The following ZNF678 variants were observed in gnomAD, a reference collection of about 807,000 sequenced individuals.
The protein encoded by ZNF678 is hypothetical protein MGC42493.
In ZNF678, 5 loss-of-function variants were observed where a neutral mutation model predicts 3.0. The observed-to-expected ratio is 1.69, with a 90% confidence interval of 0.88 to 3.56. ZNF678 has a LOEUF of 3.56. Ranked by LOEUF, ZNF678 falls within the 30% of genes most tolerant of loss-of-function variation. The pLI, the probability that ZNF678 is intolerant of heterozygous loss-of-function variation, is 0.00. For missense variants in ZNF678, 593 were observed against 605.0 expected (o/e 0.98, Z 0.21); for synonymous variants, 218 against 199.6 (o/e 1.09, Z -0.78).
intron 1 of ZNF678, among the ~76,000 whole-genome samples, chr1:227,613,474 C>T (rs1438477788): frequency 6.6e-6 from 1 of 152,198 alleles, no homozygotes; most frequent in African/African-American, 2.4e-5. Flanking sequence ...GTGCCACCAG[C>T]CACTGTGCAT....
intron 1 of ZNF678, among the ~76,000 whole-genome samples, chr1:227,571,660 A>G (rs1226897830): frequency 6.6e-6 from 1 of 152,052 alleles, no homozygotes; most frequent in South Asian, 2.1e-4. Flanking sequence ...ACACCGAATA[A>G]TAGTTTGTAG....
At chr1:227,675,424 A>G (rs1300836557) in intron 5 of ZNF678, among the ~76,000 whole-genome samples, 2 of 152,230 alleles carry the variant, frequency 1.3e-5, no homozygotes, top group African/African-American at 2.4e-5. Flanking sequence ...TGACTAAGAT[A>G]AAAATCTAAA....
chr1:227,584,207 CA>C (rs1456148134), intron 1 of ZNF678, among the ~76,000 whole-genome samples: 1 of 152,160 alleles, frequency 6.6e-6, no homozygotes, highest in Non-Finnish European at 1.5e-5. Flanking sequence ...TCATTTGTCA[CA>C]AGGCCTAAAG....
intron 1 of ZNF678, among the ~76,000 whole-genome samples, chr1:227,611,785 A>T (rs977418908): frequency 1.3e-5 from 2 of 152,136 alleles, no homozygotes; most frequent in African/African-American, 4.8e-5. Context: ...GTTGCAGTTT[A>T]TCTAGTTCTG....
intron 1 of ZNF678, among the ~76,000 whole-genome samples, chr1:227,588,901 T>A (rs200627624): frequency 5.2e-5 from 1 of 19,210 alleles, no homozygotes; most frequent in Admixed American, 6.8e-4. Flanking sequence ...GATGTTAAGC[T>A]TTTTTTTTTT....
chr1:227,627,870 C>T lies in ZNF678; in HGVS notation c.-163-18674C>T, dbSNP rs10916176. 9.9e-5 allele frequency among the ~76,000 whole-genome samples: 15 copies of T among 152,088 alleles called. No individual in the cohort carries two copies. The East Asian group carries it at 1.9e-3, about 20-fold the overall frequency. ...CAGTATACAAGTTGAGCTCAGGATC[C>T]GTCAAGGGAACCTCTAGAAGGTCCC... On this transcript the variant is annotated intron_variant, in intron 1 of 3. Transcript: ENST00000343776.
chr1:227,625,276 G>C (rs1421494442), intron 1 of ZNF678, among the ~76,000 whole-genome samples: 1 of 152,124 alleles, frequency 6.6e-6, no homozygotes. Flanking sequence ...CTGTCTCTCA[G>C]TACCCCCTCT....
chr1:227,580,862 G>A lies in ZNF678; in HGVS notation c.-164+17138G>A, dbSNP rs1418833489. Among the ~76,000 whole-genome samples, 9 of 151,946 alleles carry A rather than the reference G, an allele frequency of 5.9e-5. No individual in the cohort carries two copies. In the East Asian group the frequency reaches 1.4e-3, roughly 23 times the overall value. ...GGAGAATTGCTTGAACTTGGGAAGC[G>A]GAGGTTGCAGTGAGCTGAGATCCCG... is the stretch of plus-strand genomic sequence containing the variant. On this transcript the variant is annotated intron_variant, in intron 1 of 3. Transcript: ENST00000343776.
downstream of ZNF678, chr1:227,662,491 G>A (rs1036652554): frequency 6.6e-6 from 1 of 152,176 alleles, no homozygotes; most frequent in Non-Finnish European, 1.5e-5. Context: ...ATTAAGGGGA[G>A]TCTTAAGAAA....
intron 1 of ZNF678, among the ~76,000 whole-genome samples, chr1:227,609,128 G>A (rs1571883778): frequency 6.6e-6 from 1 of 151,946 alleles, no homozygotes; most frequent in African/African-American, 2.4e-5. Flanking sequence ...AAAGATCAAG[G>A]AGCAACAAAC....
chr1:227,608,996 A>G (rs1319370209), intron 1 of ZNF678, among the ~76,000 whole-genome samples: 1 of 152,222 alleles, frequency 6.6e-6, no homozygotes, highest in Non-Finnish European at 1.5e-5. Context: ...TAAGCCACAT[A>G]GGAAATCAAC....
chr1:227,655,761 A>G lies in ZNF678; in HGVS notation c.1511A>G (p.His504Arg), dbSNP rs765635197. The G allele has an allele frequency of 1.2e-6, 2 of 1,610,010 alleles. No homozygotes were observed. Among genetic ancestry groups the G allele is most frequent in the Non-Finnish European group, 1.7e-6 (2 of 1,178,196 alleles). The stretch of plus-strand genomic sequence containing the variant: ...AAAGGTTTTTACCAATCCTCAATCC[A>G]TAGTAAGTATAAGAGAATTTATACT... The part of the protein sequence containing the change: ...CGKGFYQSSI[H>R]SKYKRIYTGE... The change falls in exon 4 of 4, where the codon CAT becomes CGT. Residue 504 changes from histidine to arginine, a missense_variant. His to Arg is a conservative substitution (Grantham distance 29). Coordinates refer to ENST00000343776, the MANE Select transcript of ZNF678 (RefSeq NM_001367909.1).
chr1:227,583,541 G>C (rs1214438162), intron 1 of ZNF678, among the ~76,000 whole-genome samples: 2 of 151,284 alleles, frequency 1.3e-5, no homozygotes, highest in African/African-American at 4.9e-5. Context: ...CTTGACCACT[G>C]TCAGAATTGA....
At position 227,662,347 on chromosome 1, in the gene ZNF678, A is replaced by C. The variant is rs1292391801; in HGVS notation, c.*6519A>C. On this transcript the variant is annotated 3_prime_UTR_variant, in exon 4 of 4. Coordinates refer to ENST00000343776, the MANE Select transcript of ZNF678 (RefSeq NM_001367909.1). ...TATGAATTTTCCTGTAAGCTACCTGAAGTTCTGTTTGCTGTCATGTGGAAG... is the reference window on the plus strand; with the variant it reads ...TATGAATTTTCCTGTAAGCTACCTGCAGTTCTGTTTGCTGTCATGTGGAAG... 3 of 152,186 alleles carry C rather than the reference A, an allele frequency of 2.0e-5. No individual in the cohort carries two copies. The East Asian group carries it at 5.8e-4, about 29-fold the overall frequency. 9.4% of individuals were successfully genotyped at this position (152,186 alleles called of 1,614,324 possible).
At chr1:227,643,622 A>G (rs1267751494) in intron 1 of ZNF678, among the ~76,000 whole-genome samples, 1 of 152,168 alleles carries the variant, frequency 6.6e-6, no homozygotes. Context: ...ATGGGAGCCG[A>G]AGACTATATT....
chr1:227,604,840 T>C (rs1333425183), intron 1 of ZNF678, among the ~76,000 whole-genome samples: 1 of 152,184 alleles, frequency 6.6e-6, no homozygotes, highest in Non-Finnish European at 1.5e-5. Flanking sequence ...ATTACCTTCT[T>C]TTTCAGTTAG....
intron 1 of ZNF678, among the ~76,000 whole-genome samples, chr1:227,595,280 T>G (rs904227675): frequency 6.6e-6 from 1 of 151,848 alleles, no homozygotes; most frequent in Non-Finnish European, 1.5e-5. Flanking sequence ...TCTCTCTCTC[T>G]CTCTCTCTCA....
rs1234080071 is a variant in ZNF678, at chr1:227,655,462, C to A, written c.1212C>A (p.Pro404=). The change falls in exon 4 of 4, where the codon CCC becomes CCA. Residue 404 remains proline (P), a synonymous_variant. Coordinates refer to ENST00000343776, the MANE Select transcript of ZNF678 (RefSeq NM_001367909.1). ...QHRRIHTGVK[P]YKCEECGKVF... is the part of the protein sequence containing the mutation. ...GGAGAATTCATACTGGAGTGAAACC[C>A]TACAAATGTGAAGAATGTGGGAAAG... 1.9e-6 allele frequency: 3 copies of A among 1,612,254 alleles called. No homozygotes were observed. Among genetic ancestry groups the A allele is most frequent in the Non-Finnish European group, 2.5e-6 (3 of 1,179,178 alleles).
intron 1 of ZNF678, chr1:227,598,844 A>G: frequency 1.7e-6 from 1 of 604,528 alleles, no homozygotes; most frequent in Non-Finnish European, 3.1e-6. Context: ...TTAATGAAGA[A>G]GAAGATGAAT....
Sources: gnomAD v4.1 joint callset for allele counts (sites outside exome capture counted in the v4.1 genomes callset) on GRCh38, gnomAD v4.1.1 for gene constraint, MANE v1.5 for transcripts, NCBI Gene and HGNC (gene_info 2026-07-23, HGNC 2026-07-21) for gene names.